GSTO2: variants seen among roughly 807,000 people sequenced by gnomAD.
GSTO2 encodes the protein glutathione S-transferase omega 2, also known as glutathione S-transferase omega-2.
A neutral mutation model predicts 28.4 loss-of-function variants in GSTO2; 23 were observed. That is an observed-to-expected ratio of 0.81 (90% CI 0.58 to 1.15). GSTO2 has a LOEUF of 1.15. GSTO2 is among the 50% of genes most tolerant of loss of function. The pLI is 0.00. For missense variants in GSTO2, 298 were observed against 297.8 expected (o/e 1.00, Z 0.00); for synonymous variants, 109 against 111.0 (o/e 0.98, Z 0.11).
rs1281212529 is a variant in GSTO2, at chr10:104,302,388, G to A, written c.*3104G>A. Reference sequence around the variant, plus strand: ...GCATTTAAAAGAAATGGTCATAGATGATGTTAACATCAGAATGGAGGTTGT... The same window carrying A: ...GCATTTAAAAGAAATGGTCATAGATAATGTTAACATCAGAATGGAGGTTGT... On this transcript the variant is annotated 3_prime_UTR_variant, in exon 7 of 7. Coordinates refer to ENST00000338595, the MANE Select transcript of GSTO2 (RefSeq NM_183239.2). 1 of 152,258 alleles carries A rather than the reference G, an allele frequency of 6.6e-6. No homozygotes were observed. Among genetic ancestry groups the A allele is most frequent in the African/African-American group, 2.4e-5 (1 of 41,444 alleles). 9.4% of individuals were successfully genotyped at this position (152,258 alleles called of 1,614,324 possible).
At chr10:104,286,213 A>G (rs2012413337) in intron 5 of GSTO2, among the ~76,000 whole-genome samples, 1 of 150,618 alleles carries the variant, frequency 6.6e-6, no homozygotes, top group African/African-American at 2.5e-5. Context: ...CGTTTTTTTT[A>G]TCATCCCCCA....
intron 1 of GSTO2, among the ~76,000 whole-genome samples, chr10:104,269,827 T>C (rs894325320): frequency 2.0e-5 from 3 of 152,246 alleles, no homozygotes; most frequent in African/African-American, 7.2e-5. Flanking sequence ...CTGGTACTAT[T>C]AGCTACGAAT....
chr10:104,281,435 C>T (rs956748884), intron 5 of GSTO2, among the ~76,000 whole-genome samples: 2 of 152,106 alleles, frequency 1.3e-5, no homozygotes, highest in South Asian at 2.1e-4. Context: ...TTCAACGATA[C>T]AGTAATTGAA....
rs397787244 is a variant in GSTO2, at chr10:104,293,563, ATTTTT to A, written c.469-3997_469-3993del. ...AGGCATGAGCCACTGCGCCTGGCCA[ATTTTT>A]TTTTTTTTTTTTTTTTTGCGACAAG... On this transcript the variant is annotated intron_variant, in intron 5 of 6. Transcript: ENST00000338595. 3.8e-4 allele frequency among the ~76,000 whole-genome samples: 31 copies of A among 81,650 alleles called. 4 individuals carry two copies. Among genetic ancestry groups the A allele is most frequent in the African/African-American group, 8.6e-4 (14 of 16,232 alleles). 53.6% of individuals were successfully genotyped at this position (81,650 alleles called of 152,430 possible).
chr10:104,274,118 T>C (rs991935544), intron 1 of GSTO2, among the ~76,000 whole-genome samples: 8 of 152,204 alleles, frequency 5.3e-5, no homozygotes, highest in Non-Finnish European at 1.2e-4. Flanking sequence ...CTGTTGGCAA[T>C]GTATCCTTGG....
At position 104,301,108 on chromosome 10, in the gene GSTO2, T is replaced by C. The variant is rs1007079734; in HGVS notation, c.*1824T>C. On this transcript the variant is annotated 3_prime_UTR_variant, in exon 7 of 7. Transcript: ENST00000338595. The stretch of plus-strand genomic sequence containing the variant: ...TGAATCACCGTTTTCCTGGGATCTT[T>C]GCTCCAAGAAGAGGGGAATCTTCTC... 1 of 152,380 alleles carries C rather than the reference T, an allele frequency of 6.6e-6. No homozygotes were observed. The highest frequency in any genetic ancestry group is 2.4e-5 in the African/African-American group (1 of 41,580). The allele number at this position is 152,380 out of a possible 1,614,324, so 9.4% of individuals were successfully genotyped here.
In GSTO2 at chr10:104,303,951, G is replaced by A. The variant is rs1046167499; in HGVS notation, c.*4667G>A. 1.3e-5 allele frequency: 2 copies of A among 152,206 alleles called. No individual in the cohort carries two copies. The highest frequency in any genetic ancestry group is 2.4e-5 in the African/African-American group (1 of 41,434). The allele number at this position is 152,206 out of a possible 1,614,324, so 9.4% of individuals were successfully genotyped here. ...GCAGGGGCAGGTGTTATGTTTCTTG[G>A]TTTCTCACCTTCAGGTCTCCTTACC... On this transcript the variant is annotated 3_prime_UTR_variant, in exon 7 of 7. Transcript: ENST00000338595.
intron 5 of GSTO2, among the ~76,000 whole-genome samples, chr10:104,283,104 C>T (rs950205507): frequency 5.3e-5 from 8 of 152,196 alleles, no homozygotes; most frequent in Non-Finnish European, 1.0e-4. Flanking sequence ...AACTCAAGAG[C>T]TGGCAAAAGA....
chr10:104,284,168 T>C (rs2012266252), intron 5 of GSTO2, among the ~76,000 whole-genome samples: 1 of 152,086 alleles, frequency 6.6e-6, no homozygotes, highest in African/African-American at 2.4e-5. Context: ...GAGACAAGAC[T>C]GTACAACATG....
intron 5 of GSTO2, chr10:104,296,613 TAAAAAAAAAAAAAAAA>T (rs11347549): frequency 1.5e-5 from 1 of 66,518 alleles, no homozygotes; most frequent in Non-Finnish European, 2.8e-5. Context: ...AGACCCTATC[TAAAAAAAAAAAAAAAA>T]AAAAAAAAAG....
At chr10:104,294,722 C>A (rs1052556169) in intron 5 of GSTO2, among the ~76,000 whole-genome samples, 2 of 152,166 alleles carry the variant, frequency 1.3e-5, no homozygotes, top group Admixed American at 6.5e-5. Context: ...ATTCCTAATG[C>A]TCATCTCAGC....
At chr10:104,284,042 T>A (rs1275117907) in intron 5 of GSTO2, among the ~76,000 whole-genome samples, 4 of 152,122 alleles carry the variant, frequency 2.6e-5, no homozygotes, top group Non-Finnish European at 4.4e-5. Context: ...TTGGCTTGTT[T>A]TTTTGTTTGC....
At chr10:104,269,988 A>G (rs1461627728) in intron 1 of GSTO2, among the ~76,000 whole-genome samples, 1 of 151,224 alleles carries the variant, frequency 6.6e-6, no homozygotes, top group African/African-American at 2.4e-5. Flanking sequence ...TCTTTATCCA[A>G]CAGCTCTGAC....
At chr10:104,276,568 C>T (rs73333289) in intron 3 of GSTO2, among the ~76,000 whole-genome samples, 4,530 of 152,276 alleles carry the variant, frequency 0.03, 252 homozygotes, top group African/African-American at 0.1. Context: ...ACAACAAAAC[C>T]ATGTCTCCAG....
Position 104,279,425 on chromosome 10 carries a change from C to T in GSTO2, c.422C>T (p.Thr141Ile). 3 of 1,614,124 alleles carry T rather than the reference C, an allele frequency of 1.9e-6. No individual in the cohort carries two copies. Among genetic ancestry groups the T allele is most frequent in the Non-Finnish European group, 2.5e-6 (3 of 1,179,986 alleles). The change falls in exon 5 of 7, where the codon ACT becomes ATT. Residue 141 changes from threonine to isoleucine, a missense_variant. Transcript: ENST00000338595. The stretch of plus-strand genomic sequence containing the variant: ...GCGTTGAGATGTGGGAGAGAATGCA[C>T]TAATCTGAAGGCAGCCCTGCGTCAG... Reference protein sequence around the residue: ...LVALRCGRECTNLKAALRQEF... With the variant: ...LVALRCGRECINLKAALRQEF...
intron 2 of GSTO2, 127 bp from the exon 3 acceptor site, chr10:104,275,098 GC>G: frequency 1.3e-6 from 2 of 1,516,220 alleles, no homozygotes; most frequent in Non-Finnish European, 1.8e-6. Context: ...ATGCAGCACT[GC>G]CCTCTCTGGG....
At chr10:104,282,239 A>AAG (rs1554902048) in intron 5 of GSTO2, among the ~76,000 whole-genome samples, 115 of 148,210 alleles carry the variant, frequency 7.8e-4, no homozygotes, top group Non-Finnish European at 1.4e-3. Context: ...AAAAAAAAAA[A>AAG]AAAAGAAAAG....
At chr10:104,289,979 G>T (rs146114786) in intron 5 of GSTO2, among the ~76,000 whole-genome samples, 48 of 152,310 alleles carry the variant, frequency 3.2e-4, no homozygotes, top group South Asian at 1.5e-3. Context: ...CGTTCACTGG[G>T]GCGGGAATGT....
At chr10:104,289,517 T>C (rs1218935545) in intron 5 of GSTO2, among the ~76,000 whole-genome samples, 5 of 152,194 alleles carry the variant, frequency 3.3e-5, no homozygotes, top group Non-Finnish European at 7.3e-5. Context: ...ATGGAGAATC[T>C]AGGTCATAAC....
Sources: allele counts gnomAD v4.1 joint callset (sites outside exome capture counted in the v4.1 genomes callset), GRCh38; gene constraint gnomAD v4.1.1; transcripts MANE v1.5; gene names NCBI Gene and HGNC (gene_info 2026-07-23, HGNC 2026-07-21).